MTMR14: variants seen among roughly 807,000 people sequenced by gnomAD.
MTMR14 encodes the protein myotubularin related protein 14.
Under a neutral mutation model 86.3 loss-of-function variants are expected in MTMR14, and 48 were observed. The observed-to-expected ratio is 0.56, with a 90% confidence interval of 0.44 to 0.71. MTMR14 has a LOEUF of 0.71. Ranked by LOEUF, MTMR14 falls within the 30% of genes least tolerant of loss-of-function variation. MTMR14 has a pLI of 0.00. For synonymous variants in MTMR14, 366 were observed against 326.1 expected (o/e 1.12, Z -1.32); for missense variants, 780 against 834.6 (o/e 0.93, Z 0.81).
chr3:9,675,616 C>A (rs1481088984), intron 7 of MTMR14: 1 of 457,434 alleles, frequency 2.2e-6, no homozygotes, highest in South Asian at 1.5e-5. Flanking sequence ...TGGCACTTCT[C>A]ATCCTGCTTT....
chr3:9,682,425 G>C (rs931922658), intron 9 of MTMR14, among the ~76,000 whole-genome samples: 3 of 152,194 alleles, frequency 2.0e-5, no homozygotes, highest in Non-Finnish European at 4.4e-5. Context: ...AACAGAGACT[G>C]CCCCAGCTAG....
intron 2 of MTMR14, among the ~76,000 whole-genome samples, chr3:9,657,626 C>T (rs889079531): frequency 6.6e-6 from 1 of 151,906 alleles, no homozygotes; most frequent in Non-Finnish European, 1.5e-5. Context: ...TCTTGGCTCA[C>T]TGCAACCTCT....
At chr3:9,693,413 A>G (rs2076193763) in intron 17 of MTMR14, among the ~76,000 whole-genome samples, 1 of 152,242 alleles carries the variant, frequency 6.6e-6, no homozygotes, top group South Asian at 2.1e-4. Flanking sequence ...ATGCAGTTGA[A>G]ATCTGGGTAT....
intron 5 of MTMR14, among the ~76,000 whole-genome samples, chr3:9,670,736 T>G (rs2125128022): frequency 6.6e-6 from 1 of 152,308 alleles, no homozygotes; most frequent in South Asian, 2.1e-4. Flanking sequence ...GCCTGCTGCA[T>G]TTTAGAACGC....
intron 3 of MTMR14, among the ~76,000 whole-genome samples, chr3:9,663,286 C>G (rs984922208): frequency 1.3e-5 from 2 of 151,874 alleles, no homozygotes; most frequent in Non-Finnish European, 2.9e-5. Flanking sequence ...TGACTGTTGT[C>G]TCAGTCCCTG....
intron 3 of MTMR14, among the ~76,000 whole-genome samples, chr3:9,665,962 C>G (rs1052062149): frequency 6.6e-6 from 1 of 151,796 alleles, no homozygotes; most frequent in African/African-American, 2.4e-5. Context: ...CTCCTGACCT[C>G]GTGATCCGCC....
chr3:9,676,206 T>C (rs1234002219), intron 7 of MTMR14, among the ~76,000 whole-genome samples: 2 of 152,220 alleles, frequency 1.3e-5, no homozygotes, highest in African/African-American at 2.4e-5. Context: ...GCCAAAGCCA[T>C]GTGCCGTCTG....
chr3:9,667,051 A>G (rs886885925), intron 3 of MTMR14, among the ~76,000 whole-genome samples: 1 of 152,240 alleles, frequency 6.6e-6, no homozygotes, highest in Non-Finnish European at 1.5e-5. Flanking sequence ...TACTAAAAAG[A>G]CAAGGTCAAT....
chr3:9,683,895 C>T (rs1024896441), intron 10 of MTMR14, among the ~76,000 whole-genome samples: 5 of 152,210 alleles, frequency 3.3e-5, no homozygotes, highest in African/African-American at 7.2e-5. Flanking sequence ...ACCTGTCTCC[C>T]GCCATCTTAG....
intron 17 of MTMR14, among the ~76,000 whole-genome samples, chr3:9,694,502 TTGGATGGA>T (rs60351585): frequency 1.6e-4 from 25 of 151,720 alleles, no homozygotes; most frequent in East Asian, 3.9e-4. Flanking sequence ...GATAGATAGA[TTGGATGGA>T]TGGATGGATG....
intron 17 of MTMR14, among the ~76,000 whole-genome samples, 189 bp from the exon 18 acceptor site, chr3:9,697,522 G>C (rs2076317582): frequency 6.6e-6 from 1 of 152,086 alleles, no homozygotes; most frequent in South Asian, 2.1e-4. Context: ...TCACAGCTGA[G>C]CTTACCTGGT....
chr3:9,697,653 C>G (rs2076322018), intron 17 of MTMR14, 58 bp from the exon 18 acceptor site: 2 of 1,585,720 alleles, frequency 1.3e-6, no homozygotes, highest in South Asian at 2.3e-5. Context: ...CCCTCCAGAG[C>G]CTGTGTCAGG....
intron 2 of MTMR14, among the ~76,000 whole-genome samples, chr3:9,654,736 A>G (rs1205164970): frequency 1.3e-5 from 2 of 152,238 alleles, no homozygotes; most frequent in Non-Finnish European, 2.9e-5. Flanking sequence ...TTGCTACTCA[A>G]AGCAGGGCTA....
chr3:9,698,631 C>A (rs931467487), intron 18 of MTMR14, among the ~76,000 whole-genome samples: 5 of 152,226 alleles, frequency 3.3e-5, no homozygotes, highest in Admixed American at 1.3e-4. Context: ...CTCATCCCCC[C>A]ACCCCTGTTG....
At chr3:9,663,530 G>A (rs947997056) in intron 3 of MTMR14, among the ~76,000 whole-genome samples, 2 of 49,692 alleles carry the variant, frequency 4.0e-5, no homozygotes. Flanking sequence ...TTTTTTTTGA[G>A]GCAGCAGACA....
chr3:9,683,361 A>G (rs2125256939), intron 10 of MTMR14, 117 bp downstream of exon 10: 1 of 1,006,656 alleles, frequency 9.9e-7, no homozygotes, highest in South Asian at 1.3e-5. Context: ...GCTGTGGGAG[A>G]GGAATTTGGG....
chr3:9,653,704 C>G lies in MTMR14; in HGVS notation c.243C>G (p.Ile81Met). 6.2e-7 allele frequency: 1 copy of G among 1,614,168 alleles called. No homozygotes were observed. Among genetic ancestry groups the G allele is most frequent in the East Asian group, 2.2e-5 (1 of 44,888 alleles). The change falls in exon 2 of 19, where the codon ATC becomes ATG. Residue 81 changes from isoleucine (I) to methionine (M), a missense_variant. Physicochemically the swap from Ile to Met is conservative, Grantham distance 10. Coordinates refer to ENST00000296003, the MANE Select transcript of MTMR14 (RefSeq NM_001077525.3). ...TGATTCCAAACACGAATGGGGATAT[C>G]TGTGGCCACTATCCCCGGCACATCG... is the stretch of plus-strand genomic sequence containing the variant. ...FSVIPNTNGD[I>M]CGHYPRHIVF... is the part of the protein sequence containing the mutation.
At chr3:9,699,090 T>G (rs2076373752) in intron 18 of MTMR14, among the ~76,000 whole-genome samples, 2 of 151,406 alleles carry the variant, frequency 1.3e-5, no homozygotes, top group South Asian at 4.2e-4. Context: ...GAGAATCGTT[T>G]GAACCTGGGA....
Position 9,662,336 on chromosome 3 carries a change from A to T in MTMR14, c.378A>T (p.Arg126Ser). 4.3e-6 allele frequency: 7 copies of T among 1,613,760 alleles called. No individual in the cohort carries two copies. Among genetic ancestry groups the T allele is most frequent in the Non-Finnish European group, 5.9e-6 (7 of 1,179,962 alleles). The change falls in exon 3 of 19, where the codon AGA (arginine) becomes AGT (serine). Residue 126 changes from arginine (R) to serine (S), a missense_variant. Coordinates refer to ENST00000296003, the MANE Select transcript of MTMR14 (RefSeq NM_001077525.3). ...ACCGCAGCAAGATGGCCCGGTGCAG[A>T]GGACGGTTTGTCTGCCCAGTAATCC... The part of the protein sequence containing the change: ...LIHRSKMARC[R>S]GRFVCPVILF...
Sources: gnomAD v4.1 joint callset for allele counts (sites outside exome capture counted in the v4.1 genomes callset) on GRCh38, gnomAD v4.1.1 for gene constraint, MANE v1.5 for transcripts, NCBI Gene and HGNC (gene_info 2026-07-23, HGNC 2026-07-21) for gene names.